Variants in PDLIM5 observed in about 807,000 individuals in gnomAD.
PDLIM5 encodes the protein PDZ and LIM domain 5.
A neutral mutation model predicts 64.2 loss-of-function variants in PDLIM5; 34 were observed. The observed-to-expected ratio is 0.53, with a 90% confidence interval of 0.40 to 0.71. The LOEUF is 0.71. PDLIM5 is among the 30% of genes least tolerant of loss of function. PDLIM5 has a pLI of 0.00. For missense variants in PDLIM5, 683 were observed against 733.6 expected, an observed-to-expected ratio of 0.93 and a Z score of 0.80; for synonymous variants, 253 against 269.1, an observed-to-expected ratio of 0.94 and a Z score of 0.59.
Position 94,456,874 on chromosome 4 carries a change from A to G in PDLIM5, c.96+1490A>G, listed in dbSNP as rs563814777. 2.6e-5 allele frequency: 28 copies of G among 1,078,150 alleles called. No individual in the cohort carries two copies. The South Asian group carries it at 6.0e-4, about 23-fold the overall frequency. The allele number at this position is 1,078,150 out of a possible 1,614,324, so 66.8% of individuals were successfully genotyped here. A position where few individuals can be genotyped will look rare whatever the true frequency, so the allele number is the denominator to read the frequency against. On this transcript the variant is annotated intron_variant, in intron 2 of 12. Transcript: ENST00000317968. ...CATCTCATTTAATTATCATACCAAC[A>G]TGCAAAATAGTGATATTATTCCCAT...
At chr4:94,617,134 A>C (rs1484837699) in intron 7 of PDLIM5, among the ~76,000 whole-genome samples, 1 of 152,262 alleles carries the variant, frequency 6.6e-6, no homozygotes, top group East Asian at 1.9e-4. Flanking sequence ...GAAAGAAATA[A>C]CCACTGCTAT....
chr4:94,625,421 T>G (rs1354247122), intron 8 of PDLIM5, among the ~76,000 whole-genome samples: 1 of 151,916 alleles, frequency 6.6e-6, no homozygotes, highest in Non-Finnish European at 1.5e-5. Flanking sequence ...GGCGATATAC[T>G]CAAGGCAGTA....
chr4:94,586,963 T>C (rs765777644), intron 7 of PDLIM5: 4 of 1,480,144 alleles, frequency 2.7e-6, no homozygotes, highest in African/African-American at 1.4e-5. Context: ...CACTCTTTTT[T>C]TTTTTTTTTT....
chr4:94,567,684 A>G (rs938343086), intron 3 of PDLIM5, among the ~76,000 whole-genome samples: 2 of 152,214 alleles, frequency 1.3e-5, no homozygotes, highest in African/African-American at 4.8e-5. Context: ...AAAAATAATT[A>G]CTAGTAGCTC....
intron 3 of PDLIM5, among the ~76,000 whole-genome samples, chr4:94,528,454 C>T (rs923096158): frequency 9.9e-5 from 15 of 152,068 alleles, no homozygotes; most frequent in Admixed American, 5.2e-4. Context: ...CTAATTATTC[C>T]GTGTATATTA....
intron 7 of PDLIM5, chr4:94,586,864 A>G (rs541903232): frequency 6.8e-6 from 6 of 877,128 alleles, no homozygotes; most frequent in East Asian, 2.9e-5. Flanking sequence ...TAAAACAGCT[A>G]TGTGAAATTA....
In PDLIM5 at chr4:94,538,649, G is replaced by A. The variant is rs745666772; in HGVS notation, c.248+14774G>A. ...CTGAGATTGGGAAATTCTGGATTTA[G>A]TGGTAAATTGGTTTATAGCAAATAC... On this transcript the variant is annotated intron_variant, in intron 3 of 12. Transcript: ENST00000317968. 5.5e-4 allele frequency among the ~76,000 whole-genome samples: 84 copies of A among 152,288 alleles called. 1 individual carries two copies. The highest frequency in any genetic ancestry group is 1.6e-3 in the Admixed American group (25 of 15,296).
intron 3 of PDLIM5, among the ~76,000 whole-genome samples, chr4:94,561,957 TG>T (rs1260505425): frequency 6.6e-6 from 1 of 152,242 alleles, no homozygotes; most frequent in Admixed American, 6.5e-5. Flanking sequence ...GAAGCAAATT[TG>T]GTGGCAGTGA....
intron 2 of PDLIM5, among the ~76,000 whole-genome samples, chr4:94,511,398 A>G (rs544694961): frequency 6.6e-6 from 1 of 152,234 alleles, no homozygotes; most frequent in East Asian, 1.9e-4. Flanking sequence ...CAGGCATGCA[A>G]TGCATAATAA....
intron 3 of PDLIM5, among the ~76,000 whole-genome samples, chr4:94,526,455 A>T (rs1730361550): frequency 6.6e-6 from 1 of 152,202 alleles, no homozygotes; most frequent in Non-Finnish European, 1.5e-5. Flanking sequence ...ATTAGGGAGT[A>T]TTTTAGAGTC....
chr4:94,646,129 A>T (rs1048871458), intron 9 of PDLIM5, among the ~76,000 whole-genome samples: 1 of 152,178 alleles, frequency 6.6e-6, no homozygotes, highest in African/African-American at 2.4e-5. Context: ...GAAATCAAAG[A>T]CATGCTCTTT....
chr4:94,481,868 G>T (rs772650317), intron 2 of PDLIM5, among the ~76,000 whole-genome samples: 2 of 152,004 alleles, frequency 1.3e-5, no homozygotes, highest in Admixed American at 1.3e-4. Flanking sequence ...CTTGGCCTCC[G>T]AAAGTGCTTG....
chr4:94,612,006 A>G (rs919195934), intron 7 of PDLIM5, among the ~76,000 whole-genome samples: 1 of 152,200 alleles, frequency 6.6e-6, no homozygotes, highest in African/African-American at 2.4e-5. Context: ...TCATGAGGTC[A>G]GGAGTTCGAG....
intron 2 of PDLIM5, among the ~76,000 whole-genome samples, chr4:94,478,286 A>AAT (rs1407584519): frequency 3.3e-5 from 5 of 151,094 alleles, no homozygotes; most frequent in Admixed American, 6.6e-5. Context: ...ATATAGTATT[A>AAT]ATATATATAT....
chr4:94,610,284 T>G (rs1296604479), intron 7 of PDLIM5: 10 of 1,517,492 alleles, frequency 6.6e-6, no homozygotes, highest in Non-Finnish European at 7.9e-6. Context: ...CTGTGTCTGC[T>G]GTTATTGCTA....
intron 6 of PDLIM5, 32 bp from the exon 7 acceptor site, chr4:94,586,376 A>G: frequency 8.1e-7 from 1 of 1,236,394 alleles, no homozygotes; most frequent in Non-Finnish European, 1.2e-6. Context: ...AACAAAACAA[A>G]CTAATATTGG....
intron 2 of PDLIM5, among the ~76,000 whole-genome samples, chr4:94,468,572 G>T (rs1256244534): frequency 6.6e-6 from 1 of 152,212 alleles, no homozygotes; most frequent in African/African-American, 2.4e-5. Context: ...ATAATATGGA[G>T]ATTAGGAGAG....
At chr4:94,502,852 G>A (rs1728053422) in intron 2 of PDLIM5, among the ~76,000 whole-genome samples, 1 of 151,856 alleles carries the variant, frequency 6.6e-6, no homozygotes, top group Non-Finnish European at 1.5e-5. Context: ...ACTTCATCCT[G>A]GACAATGGAG....
intron 2 of PDLIM5, chr4:94,456,402 T>C: frequency 1.5e-6 from 1 of 673,414 alleles, no homozygotes; most frequent in Non-Finnish European, 2.7e-6. Context: ...TTCCCTATGT[T>C]GGTCAGGCTG....
Sources: allele counts gnomAD v4.1 joint callset (sites outside exome capture counted in the v4.1 genomes callset), GRCh38; gene constraint gnomAD v4.1.1; transcripts MANE v1.5; gene names NCBI Gene and HGNC (gene_info 2026-07-23, HGNC 2026-07-21).